Variants in PCDH15 observed in about 807,000 individuals in gnomAD.
The protein encoded by PCDH15 is protocadherin related 15.
A neutral mutation model predicts 178.5 loss-of-function variants in PCDH15; 129 were observed. The observed-to-expected ratio is 0.72, with a 90% confidence interval of 0.63 to 0.84. The LOEUF is 0.84. PCDH15 is among the 40% of genes least tolerant of loss of function. The pLI, the probability that PCDH15 is intolerant of heterozygous loss-of-function variation, is 0.00. For missense variants in PCDH15, 2,230 were observed against 2,099.9 expected, an observed-to-expected ratio of 1.06 and a Z score of -1.21; for synonymous variants, 800 against 732.0, an observed-to-expected ratio of 1.09 and a Z score of -1.50.
At chr10:53,832,948 A>C (rs2077098324) in intron 29 of PCDH15, among the ~76,000 whole-genome samples, 1 of 152,018 alleles carries the variant, frequency 6.6e-6, no homozygotes, top group Admixed American at 6.6e-5. Flanking sequence ...TTTTTTAAAC[A>C]GATACGCTTT....
At chr10:54,300,730 T>C (rs955061631) in intron 8 of PCDH15, among the ~76,000 whole-genome samples, 1 of 152,140 alleles carries the variant, frequency 6.6e-6, no homozygotes, top group Non-Finnish European at 1.5e-5. Flanking sequence ...AGCTAAAGGA[T>C]TGTAAACACA....
chr10:54,511,430 C>T (rs556129524), intron 3 of PCDH15, among the ~76,000 whole-genome samples: 110 of 152,260 alleles, frequency 7.2e-4, no homozygotes, highest in Non-Finnish European at 1.1e-3. Context: ...AGATTCTTCA[C>T]GCCTACCACC....
chr10:55,279,525 G>T (rs1592044677), intron 1 of PCDH15, among the ~76,000 whole-genome samples: 1 of 152,114 alleles, frequency 6.6e-6, no homozygotes, highest in Admixed American at 6.6e-5. Flanking sequence ...CCTACACAGG[G>T]TCCACACTTA....
chr10:54,876,478 C>T lies in PCDH15; in HGVS notation c.-29+20972G>A, dbSNP rs76553693. On this transcript the variant is annotated intron_variant, in intron 3 of 5. Transcript: ENST00000458638. ...TCTTACAAGGAATCCGGGCAAAGTA[C>T]GTTGAAAACCTTCTGGAATCACCAT... is the stretch of plus-strand genomic sequence containing the variant. Among the ~76,000 whole-genome samples, 814 of 152,156 alleles carry T rather than the reference C, an allele frequency of 5.3e-3. 7 individuals are homozygous for T. Among genetic ancestry groups the T allele is most frequent in the African/African-American group, 0.019 (789 of 41,524 alleles).
chr10:54,400,102 G>A (rs180778576), intron 3 of PCDH15, among the ~76,000 whole-genome samples: 66 of 152,024 alleles, frequency 4.3e-4, no homozygotes, highest in African/African-American at 1.2e-3. Flanking sequence ...ATATCCAAGC[G>A]GAAAAAAATT....
chr10:55,622,786 C>T (rs1837433698), intron 2 of PCDH15, among the ~76,000 whole-genome samples: 1 of 152,072 alleles, frequency 6.6e-6, no homozygotes, highest in African/African-American at 2.4e-5. Flanking sequence ...GAAAAACCTC[C>T]AGAAACTGCA....
At chr10:54,360,584 T>C (rs537727806) in intron 5 of PCDH15, among the ~76,000 whole-genome samples, 2 of 152,208 alleles carry the variant, frequency 1.3e-5, no homozygotes, top group African/African-American at 4.8e-5. Context: ...TTTTCATAAA[T>C]TTGTGGGATT....
intron 2 of PCDH15, among the ~76,000 whole-genome samples, chr10:55,375,082 T>C (rs1456243322): frequency 1.3e-5 from 2 of 152,128 alleles, no homozygotes; most frequent in African/African-American, 4.8e-5. Flanking sequence ...GTGTTAGCTA[T>C]GTAGGAGTTA....
intron 26 of PCDH15, among the ~76,000 whole-genome samples, chr10:53,875,370 A>ATAGTAAT (rs1190230739): frequency 6.6e-6 from 1 of 151,950 alleles, no homozygotes; most frequent in Non-Finnish European, 1.5e-5. Context: ...TAATTTATTA[A>ATAGTAAT]TAGTAATAAG....
In PCDH15 at chr10:55,601,501, T is replaced by C. The variant is rs115040609; in HGVS notation, c.-156+26124A>G. On this transcript the variant is annotated intron_variant, in intron 2 of 5. Transcript: ENST00000613346. ...ATTTAAACTAGATCATGCAGAATTA[T>C]ATACAAGACTAGGATTTTTACACAA... Among the ~76,000 whole-genome samples the C allele has an allele frequency of 2.5e-3, 385 of 152,272 alleles. 1 individual carries two copies. Among genetic ancestry groups the C allele is most frequent in the African/African-American group, 8.8e-3 (366 of 41,584 alleles).
chr10:55,071,306 A>G (rs1014927374), intron 2 of PCDH15, among the ~76,000 whole-genome samples: 3 of 149,814 alleles, frequency 2.0e-5, no homozygotes, highest in African/African-American at 7.4e-5. Context: ...AGACTGGCAA[A>G]TTGGACAGAG....
intron 1 of PCDH15, among the ~76,000 whole-genome samples, chr10:54,689,825 C>T (rs1279834563): frequency 6.6e-6 from 1 of 152,052 alleles, no homozygotes; most frequent in East Asian, 1.9e-4. Flanking sequence ...GATGCCAACT[C>T]CTACTGGTCT....
At chr10:55,333,856 C>A (rs1042154121) in intron 2 of PCDH15, among the ~76,000 whole-genome samples, 1 of 151,722 alleles carries the variant, frequency 6.6e-6, no homozygotes, top group African/African-American at 2.4e-5. Context: ...GGTTCTTTAG[C>A]TTTTGTATGG....
At chr10:55,153,846 T>C (rs1419366270) in intron 2 of PCDH15, among the ~76,000 whole-genome samples, 1 of 152,172 alleles carries the variant, frequency 6.6e-6, no homozygotes, top group Non-Finnish European at 1.5e-5. Flanking sequence ...CAATACACAG[T>C]ATACTGAAGA....
At chr10:54,293,104 G>T (rs1008169364) in intron 8 of PCDH15, among the ~76,000 whole-genome samples, 1 of 152,108 alleles carries the variant, frequency 6.6e-6, no homozygotes. Flanking sequence ...GCATGGTACT[G>T]GTACAAAAAC....
intron 26 of PCDH15, among the ~76,000 whole-genome samples, chr10:53,893,420 T>C (rs61517349): frequency 0.028 from 4,216 of 152,274 alleles, 127 homozygotes; most frequent in East Asian, 0.13. Flanking sequence ...GTTAAACAGG[T>C]TAAAAGACAT....
intron 6 of PCDH15, among the ~76,000 whole-genome samples, chr10:54,342,101 A>T (rs867433947): frequency 6.6e-6 from 1 of 152,204 alleles, no homozygotes; most frequent in Non-Finnish European, 1.5e-5. Flanking sequence ...TTTCTGGGGG[A>T]AAATTCAAGC....
chr10:54,578,275 T>C (rs542513019), intron 2 of PCDH15, among the ~76,000 whole-genome samples: 2 of 152,286 alleles, frequency 1.3e-5, no homozygotes, highest in East Asian at 3.9e-4. Flanking sequence ...CAGTCTTTCT[T>C]CTGATTAATG....
chr10:53,825,561 A>C (rs1239102236), intron 32 of PCDH15, among the ~76,000 whole-genome samples: 1 of 151,692 alleles, frequency 6.6e-6, no homozygotes, highest in Admixed American at 6.6e-5. Flanking sequence ...GAAGAAAGTA[A>C]ATATACAACT....
Sources: allele counts gnomAD v4.1 joint callset (sites outside exome capture counted in the v4.1 genomes callset), GRCh38; gene constraint gnomAD v4.1.1; transcripts MANE v1.5; gene names NCBI Gene and HGNC (gene_info 2026-07-23, HGNC 2026-07-21).